The following PTPRT variants were observed in gnomAD, a reference collection of about 807,000 sequenced individuals.
PTPRT encodes the protein receptor-type tyrosine-protein phosphatase T.
Under a neutral mutation model 176.8 loss-of-function variants are expected in PTPRT, and 56 were observed. That is an observed-to-expected ratio of 0.32 (90% confidence interval 0.26 to 0.40). The LOEUF is 0.40. Ranked by LOEUF, PTPRT falls within the 10% of genes least tolerant of loss-of-function variation. PTPRT has a pLI of 1.00. For missense variants in PTPRT, 1,540 were observed against 1,908.2 expected, an observed-to-expected ratio of 0.81 and a Z score of 3.60; for synonymous variants, 783 against 739.0, an observed-to-expected ratio of 1.06 and a Z score of -0.96.
chr20:42,507,776 A>G (rs555351136), intron 7 of PTPRT, among the ~76,000 whole-genome samples: 20 of 152,060 alleles, frequency 1.3e-4, no homozygotes, highest in Non-Finnish European at 2.4e-4. Context: ...AATGGGTTGC[A>G]ACAGCAGCCA....
At chr20:42,495,793 T>C (rs2071642729) in intron 7 of PTPRT, among the ~76,000 whole-genome samples, 1 of 152,204 alleles carries the variant, frequency 6.6e-6, no homozygotes, top group Non-Finnish European at 1.5e-5. Flanking sequence ...TTCCTTTTCA[T>C]ATATAAGTTT....
intron 2 of PTPRT, among the ~76,000 whole-genome samples, chr20:42,793,431 C>T (rs899530406): frequency 2.0e-5 from 3 of 152,086 alleles, no homozygotes; most frequent in Admixed American, 1.3e-4. Flanking sequence ...GAGAACATGC[C>T]GTATTGATTT....
intron 7 of PTPRT, among the ~76,000 whole-genome samples, chr20:42,647,992 CA>C (rs148475054): frequency 0.026 from 3,947 of 152,196 alleles, 72 homozygotes; most frequent in Middle Eastern, 0.082. Context: ...CAACCAAGGA[CA>C]CTTTGGAGAT....
rs576551630 is a variant in PTPRT, at chr20:42,768,694, T to C, written c.684+2741A>G. Among the ~76,000 whole-genome samples, 211 of 152,342 alleles carry C rather than the reference T, an allele frequency of 1.4e-3. 1 individual carries two copies. The highest frequency in any genetic ancestry group is 4.9e-3 in the African/African-American group (204 of 41,570). On this transcript the variant is annotated intron_variant, in intron 5 of 30. Coordinates refer to ENST00000373187, the MANE Select transcript of PTPRT (RefSeq NM_007050.6). ...TGTATTTTCTCCTTCTATCTGGTGT[T>C]GTCCCACTTTTAATTTATGATATCT...
chr20:42,767,905 A>G (rs1382158942), intron 5 of PTPRT, among the ~76,000 whole-genome samples: 3 of 145,704 alleles, frequency 2.1e-5, no homozygotes, highest in African/African-American at 7.5e-5. Context: ...ATAACATATA[A>G]TTACATATAA....
intron 6 of PTPRT, among the ~76,000 whole-genome samples, chr20:42,711,360 G>A (rs918479951): frequency 8.7e-6 from 1 of 114,988 alleles, no homozygotes; most frequent in African/African-American, 5.6e-5. Context: ...GGTGGGAGGT[G>A]TTTGGGTCAT....
intron 6 of PTPRT, among the ~76,000 whole-genome samples, chr20:42,717,789 C>T (rs146700046): frequency 0.016 from 2,393 of 152,138 alleles, 28 homozygotes; most frequent in Non-Finnish European, 0.024. Context: ...TAAAGAACTA[C>T]AAATCAATAA....
At chr20:42,398,109 G>A (rs767938476) in intron 9 of PTPRT, among the ~76,000 whole-genome samples, 6 of 152,002 alleles carry the variant, frequency 3.9e-5, no homozygotes, top group Non-Finnish European at 7.4e-5. Flanking sequence ...TCTATTGTCT[G>A]TGGTATACTA....
chr20:43,087,796 C>T (rs551956813), intron 1 of PTPRT, among the ~76,000 whole-genome samples: 73 of 152,228 alleles, frequency 4.8e-4, no homozygotes, highest in Non-Finnish European at 9.7e-4. Context: ...AGCTTTTACT[C>T]CAGGACACAA....
intron 17 of PTPRT, among the ~76,000 whole-genome samples, chr20:42,158,308 A>G (rs1027721517): frequency 1.1e-4 from 16 of 152,228 alleles, no homozygotes; most frequent in Non-Finnish European, 2.4e-4. Flanking sequence ...GTTGTATCCT[A>G]AATACCTAGA....
At chr20:42,922,731 C>G (rs1008452540) in intron 1 of PTPRT, among the ~76,000 whole-genome samples, 3 of 152,182 alleles carry the variant, frequency 2.0e-5, no homozygotes, top group African/African-American at 7.2e-5. Context: ...GGCGAGTCCT[C>G]CCCTGCTGCT....
At chr20:42,087,872 C>CAAAA (rs56235565) in intron 27 of PTPRT, among the ~76,000 whole-genome samples, 1 of 89,046 alleles carries the variant, frequency 1.1e-5, no homozygotes. Context: ...GACTCCATTT[C>CAAAA]AAAAAAAAAA....
chr20:43,122,775 A>G (rs1393404018), intron 1 of PTPRT, among the ~76,000 whole-genome samples: 1 of 152,202 alleles, frequency 6.6e-6, no homozygotes, highest in Non-Finnish European at 1.5e-5. Flanking sequence ...CTTCCTGTAC[A>G]GCCTGTATAA....
intron 1 of PTPRT, among the ~76,000 whole-genome samples, chr20:43,126,372 A>G (rs2013441026): frequency 6.9e-6 from 1 of 144,412 alleles, no homozygotes; most frequent in Admixed American, 6.8e-5. Context: ...AAAAAGAAAG[A>G]AAAAAAAAAG....
intron 1 of PTPRT, among the ~76,000 whole-genome samples, chr20:43,075,363 C>T (rs1319738502): frequency 1.3e-5 from 2 of 152,258 alleles, no homozygotes; most frequent in African/African-American, 2.4e-5. Context: ...CACACCCAGC[C>T]GTCGAGAGCT....
intron 7 of PTPRT, among the ~76,000 whole-genome samples, chr20:42,531,921 G>A (rs28525193): frequency 0.013 from 2,005 of 152,302 alleles, 43 homozygotes; most frequent in African/African-American, 0.045. Flanking sequence ...TTGAGAAGCC[G>A]TGCTATTGTC....
At chr20:42,848,018 G>A (rs1213761179) in intron 2 of PTPRT, among the ~76,000 whole-genome samples, 1 of 151,748 alleles carries the variant, frequency 6.6e-6, no homozygotes, top group Non-Finnish European at 1.5e-5. Context: ...CAAAGTCATT[G>A]TGTCATTCTT....
chr20:42,432,685 T>C (rs1480294811), intron 9 of PTPRT, among the ~76,000 whole-genome samples: 1 of 152,238 alleles, frequency 6.6e-6, no homozygotes, highest in Non-Finnish European at 1.5e-5. Flanking sequence ...ATAGCATCTT[T>C]ATCTTAACTG....
chr20:42,791,133 G>T (rs2077368199), intron 3 of PTPRT, 62 bp downstream of exon 3: 1 of 1,515,170 alleles, frequency 6.6e-7, no homozygotes, highest in South Asian at 1.3e-5. Context: ...CCTGTAGGGA[G>T]AGCAAAGGTG....
Sources: gnomAD v4.1 joint callset for allele counts (sites outside exome capture counted in the v4.1 genomes callset) on GRCh38, gnomAD v4.1.1 for gene constraint, MANE v1.5 for transcripts, NCBI Gene and HGNC (gene_info 2026-07-23, HGNC 2026-07-21) for gene names.